RBFOX2: variants seen among roughly 807,000 people sequenced by gnomAD.
The protein encoded by RBFOX2 is RNA binding protein fox-1 homolog 2.
RBFOX2 carries 10 observed loss-of-function variants against 49.1 expected under a neutral mutation model. The ratio of observed to expected loss-of-function variants is 0.20; its 90% CI spans 0.13 to 0.35. The LOEUF is 0.35. RBFOX2 is among the 10% of genes least tolerant of loss of function. RBFOX2 has a pLI of 1.00. For synonymous variants in RBFOX2, 183 were observed against 187.4 expected (o/e 0.98, Z 0.19); for missense variants, 323 against 486.9 (o/e 0.66, Z 3.17).
chr22:35,977,811 CAA>C (rs112389643), intron 1 of RBFOX2, among the ~76,000 whole-genome samples: 1 of 112,834 alleles, frequency 8.9e-6, no homozygotes, highest in African/African-American at 3.3e-5. Flanking sequence ...AAATCCCCCT[CAA>C]AAAAAAAAAA....
At chr22:35,945,056 T>G (rs528485577) in intron 1 of RBFOX2, among the ~76,000 whole-genome samples, 1 of 152,248 alleles carries the variant, frequency 6.6e-6, no homozygotes, top group Non-Finnish European at 1.5e-5. Flanking sequence ...AAAGAATTCT[T>G]ACCACTCTGC....
upstream of RBFOX2, among the ~76,000 whole-genome samples, chr22:35,844,943 A>T (rs868583759): frequency 8.6e-5 from 13 of 152,006 alleles, no homozygotes; most frequent in South Asian, 6.2e-4. Flanking sequence ...CCACTCATTT[A>T]AAAAAAATTT....
intron 1 of RBFOX2, among the ~76,000 whole-genome samples, chr22:35,881,952 C>T (rs1296359389): frequency 1.4e-5 from 2 of 145,784 alleles, no homozygotes; most frequent in Non-Finnish European, 3.0e-5. Context: ...GAGTGAGACC[C>T]TGTCTCAAAA....
At chr22:35,996,824 G>A (rs1156301384) in intron 1 of RBFOX2, 1 of 152,128 alleles carries the variant, frequency 6.6e-6, no homozygotes, top group Non-Finnish European at 1.5e-5. Context: ...AGGAAGAAAT[G>A]TCAGAAGAGT....
At chr22:35,911,505 T>C (rs2049826803) in intron 1 of RBFOX2, among the ~76,000 whole-genome samples, 1 of 152,178 alleles carries the variant, frequency 6.6e-6, no homozygotes, top group African/African-American at 2.4e-5. Flanking sequence ...AGAGTAAAGG[T>C]ATTTTAATAT....
chr22:35,923,323 C>CT (rs969043510), intron 1 of RBFOX2, among the ~76,000 whole-genome samples: 5 of 151,714 alleles, frequency 3.3e-5, no homozygotes, highest in African/African-American at 7.3e-5. Context: ...GGCTCCAGGC[C>CT]TTTCATATCT....
At chr22:36,024,486 A>C (rs959535213) in intron 1 of RBFOX2, among the ~76,000 whole-genome samples, 8 of 152,178 alleles carry the variant, frequency 5.3e-5, no homozygotes, top group Non-Finnish European at 1.0e-4. Context: ...TCATGCCTGT[A>C]ATCTCAGCAC....
intron 2 of RBFOX2, among the ~76,000 whole-genome samples, chr22:35,807,590 C>G (rs892554802): frequency 6.6e-6 from 1 of 151,740 alleles, no homozygotes; most frequent in Non-Finnish European, 1.5e-5. Context: ...TTACGGTATG[C>G]AGCTAAAGGG....
At chr22:35,790,911 G>A (rs1311595388) in intron 2 of RBFOX2, among the ~76,000 whole-genome samples, 1 of 152,076 alleles carries the variant, frequency 6.6e-6, no homozygotes, top group Non-Finnish European at 1.5e-5. Context: ...GGGAGGCTGA[G>A]GTGGGAGGAT....
intron 1 of RBFOX2, among the ~76,000 whole-genome samples, chr22:35,856,220 A>G (rs956119): frequency 0.05 from 7,581 of 152,238 alleles, 255 homozygotes; most frequent in Middle Eastern, 0.088. Flanking sequence ...GATAAGGTAA[A>G]TCAGTCTCAT....
intron 2 of RBFOX2, among the ~76,000 whole-genome samples, chr22:35,784,001 C>T (rs563819332): frequency 9.2e-5 from 14 of 152,304 alleles, no homozygotes; most frequent in South Asian, 4.1e-4. Flanking sequence ...CCCCGTGGCC[C>T]GTCCTCAGGA....
intron 1 of RBFOX2, among the ~76,000 whole-genome samples, chr22:35,946,761 T>C (rs2054318298): frequency 6.6e-6 from 1 of 152,236 alleles, no homozygotes; most frequent in South Asian, 2.1e-4. Context: ...CTGTTTCTAG[T>C]ATTCAAGAAC....
At chr22:35,829,548 T>C (rs558752316) in intron 1 of RBFOX2, among the ~76,000 whole-genome samples, 7 of 151,466 alleles carry the variant, frequency 4.6e-5, no homozygotes, top group African/African-American at 9.7e-5. Flanking sequence ...TGTTACCATA[T>C]AGAAAAGATC....
intron 1 of RBFOX2, among the ~76,000 whole-genome samples, chr22:36,016,983 G>A (rs928882493): frequency 1.3e-5 from 2 of 152,116 alleles, no homozygotes; most frequent in African/African-American, 2.4e-5. Flanking sequence ...CAGCTAAAGA[G>A]GTCCCTACTA....
chr22:36,010,732 T>TAC (rs34495987), intron 1 of RBFOX2, among the ~76,000 whole-genome samples: 9,190 of 136,956 alleles, frequency 0.067, 336 homozygotes, highest in East Asian at 0.11. Context: ...TACTGTTCAG[T>TAC]ACACACACAC....
At chr22:35,821,904 AG>A in intron 1 of RBFOX2, 1 of 519,032 alleles carries the variant, frequency 1.9e-6, no homozygotes, top group Non-Finnish European at 3.8e-6. Context: ...GGGGAGGAGC[AG>A]GAAATGGGAG....
intron 1 of RBFOX2, among the ~76,000 whole-genome samples, chr22:35,868,386 G>A (rs1362978406): frequency 6.6e-6 from 1 of 152,164 alleles, no homozygotes. Flanking sequence ...CATAGTGCTT[G>A]TTACTTCCCA....
intron 1 of RBFOX2, among the ~76,000 whole-genome samples, chr22:35,896,236 G>C (rs923373903): frequency 3.3e-5 from 5 of 152,150 alleles, no homozygotes; most frequent in Non-Finnish European, 4.4e-5. Context: ...CCTCAGTGGA[G>C]ACCTAACATC....
intron 2 of RBFOX2, among the ~76,000 whole-genome samples, chr22:35,809,339 A>G (rs146769242): frequency 1.8e-4 from 28 of 152,296 alleles, no homozygotes; most frequent in African/African-American, 6.5e-4. Context: ...AGAGAAGAAG[A>G]CGAAGTAGTT....
Sources: allele counts gnomAD v4.1 joint callset (sites outside exome capture counted in the v4.1 genomes callset), GRCh38; gene constraint gnomAD v4.1.1; transcripts MANE v1.5; gene names NCBI Gene and HGNC (gene_info 2026-07-23, HGNC 2026-07-21).